Variants in SFMBT2 observed in about 807,000 individuals in gnomAD.
The protein encoded by SFMBT2 is scm-like with four MBT domains protein 2.
In SFMBT2, 38 loss-of-function variants were observed where a neutral mutation model predicts 110.1. That is an observed-to-expected ratio of 0.35 (90% CI 0.27 to 0.45). The LOEUF is 0.45. SFMBT2 is among the 20% of genes least tolerant of loss of function. The pLI, the probability that SFMBT2 is intolerant of heterozygous loss-of-function variation, is 1.00. For missense variants in SFMBT2, 1,011 were observed against 1,094.9 expected, an observed-to-expected ratio of 0.92 and a Z score of 1.08; for synonymous variants, 425 against 425.4, an observed-to-expected ratio of 1.00 and a Z score of 0.01.
chr10:7,296,621 T>C (rs1359090122), intron 4 of SFMBT2, among the ~76,000 whole-genome samples: 1 of 152,234 alleles, frequency 6.6e-6, no homozygotes, highest in Non-Finnish European at 1.5e-5. Context: ...TCTGACAAAA[T>C]GAGTTGGCCT....
At chr10:7,411,488 T>C (rs1211664009), upstream of SFMBT2, 1 of 152,230 alleles carries the variant, frequency 6.6e-6, no homozygotes, top group Non-Finnish European at 1.5e-5. Flanking sequence ...TTGCGCTTTA[T>C]CCGCCGGGGA....
intron 11 of SFMBT2, among the ~76,000 whole-genome samples, chr10:7,212,225 T>C (rs1839374702): frequency 6.6e-6 from 1 of 152,218 alleles, no homozygotes; most frequent in Admixed American, 6.5e-5. Flanking sequence ...GTTTCTGAAT[T>C]TTAGCTTCCA....
intron 7 of SFMBT2, among the ~76,000 whole-genome samples, chr10:7,275,317 C>T (rs1841736691): frequency 6.6e-6 from 1 of 152,166 alleles, no homozygotes; most frequent in African/African-American, 2.4e-5. Context: ...ATTTGATTCA[C>T]ATTCAAAGAT....
intron 1 of SFMBT2, among the ~76,000 whole-genome samples, chr10:7,396,699 A>G (rs1469011846): frequency 6.6e-6 from 1 of 151,954 alleles, no homozygotes; most frequent in African/African-American, 2.4e-5. Flanking sequence ...CATATACACC[A>G]TGGAATCCTA....
At chr10:7,369,549 G>A (rs759294163) in intron 3 of SFMBT2, among the ~76,000 whole-genome samples, 9 of 152,188 alleles carry the variant, frequency 5.9e-5, no homozygotes, top group Non-Finnish European at 8.8e-5. Flanking sequence ...CATTATTGAT[G>A]AGAGTGGTTT....
At chr10:7,402,846 A>C (rs780100667) in intron 1 of SFMBT2, among the ~76,000 whole-genome samples, 1 of 152,162 alleles carries the variant, frequency 6.6e-6, no homozygotes, top group Non-Finnish European at 1.5e-5. Context: ...TTCACTCTAA[A>C]ATGTCCTCAT....
chr10:7,383,159 G>T (rs2254890), intron 1 of SFMBT2, among the ~76,000 whole-genome samples: 1 of 152,236 alleles, frequency 6.6e-6, no homozygotes, highest in Non-Finnish European at 1.5e-5. Context: ...GACTCACATA[G>T]TGGTAAAATA....
intron 7 of SFMBT2, chr10:7,264,293 G>A (rs1487557340): frequency 9.3e-6 from 2 of 213,966 alleles, no homozygotes; most frequent in Non-Finnish European, 1.6e-5. Flanking sequence ...TGCCGTGACT[G>A]CTAGTCCTTT....
intron 16 of SFMBT2, chr10:7,176,483 C>A (rs140727135): frequency 1.0e-6 from 1 of 985,352 alleles, no homozygotes; most frequent in Non-Finnish European, 1.2e-6. Context: ...ATGGGCATGG[C>A]TCTCGAAATG....
In SFMBT2 at chr10:7,263,387, C is replaced by T. The variant is rs144628881; in HGVS notation, c.870+13505G>A. Among the ~76,000 whole-genome samples, 399 of 152,212 alleles carry T rather than the reference C, an allele frequency of 2.6e-3. 2 individuals carry two copies. The highest frequency in any genetic ancestry group is 8.4e-3 in the African/African-American group (348 of 41,524). ...CTCCCGAGTAGGTGGACTACAGGCACGTGCCACTAATGCCCAGGAAATTTT... is the reference window on the plus strand; with the variant it reads ...CTCCCGAGTAGGTGGACTACAGGCATGTGCCACTAATGCCCAGGAAATTTT... On this transcript the variant is annotated intron_variant, in intron 7 of 20. Coordinates refer to ENST00000397167, the MANE Select transcript of SFMBT2 (RefSeq NM_001387889.1).
chr10:7,186,883 G>A (rs981434407), intron 16 of SFMBT2, among the ~76,000 whole-genome samples: 9 of 152,190 alleles, frequency 5.9e-5, no homozygotes, highest in Admixed American at 3.3e-4. Context: ...CTATGATCTC[G>A]CACAGTTGAA....
rs1837484038 is a variant in SFMBT2, at chr10:7,159,048, G to C, written c.*4722C>G. On this transcript the variant is annotated 3_prime_UTR_variant, in exon 21 of 21. Transcript: ENST00000397167. Reference sequence around the variant, plus strand: ...TGCCTCAAATTTTTCATCCTAAGGTGATTTTTAGCCAACGATTGTCCTAGA... The same window carrying C: ...TGCCTCAAATTTTTCATCCTAAGGTCATTTTTAGCCAACGATTGTCCTAGA... The C allele has an allele frequency of 6.6e-6, 1 of 152,160 alleles. No individual in the cohort carries two copies. Among genetic ancestry groups the C allele is most frequent in the Non-Finnish European group, 1.5e-5 (1 of 68,036 alleles). 9.4% of individuals were successfully genotyped at this position (152,160 alleles called of 1,614,324 possible).
chr10:7,308,090 C>G (rs767984407), intron 4 of SFMBT2, among the ~76,000 whole-genome samples: 1 of 152,166 alleles, frequency 6.6e-6, no homozygotes, highest in African/African-American at 2.4e-5. Flanking sequence ...TGCAGCAGCT[C>G]GTGCCTATAG....
intron 9 of SFMBT2, among the ~76,000 whole-genome samples, chr10:7,233,568 T>C (rs749177642): frequency 3.9e-5 from 6 of 152,192 alleles, no homozygotes; most frequent in Non-Finnish European, 8.8e-5. Context: ...GATACAATCA[T>C]CTTCAAAGTC....
intron 1 of SFMBT2, among the ~76,000 whole-genome samples, chr10:7,388,947 A>C (rs1040742426): frequency 6.6e-6 from 1 of 152,182 alleles, no homozygotes; most frequent in African/African-American, 2.4e-5. Flanking sequence ...AAAACATGGA[A>C]GTGCAGGCAA....
intron 6 of SFMBT2, among the ~76,000 whole-genome samples, chr10:7,280,126 C>T (rs187049773): frequency 2.0e-3 from 300 of 152,252 alleles, no homozygotes; most frequent in Non-Finnish European, 3.7e-3. Flanking sequence ...AGTCAGAAGG[C>T]GGCTGTCTGC....
chr10:7,188,842 C>T (rs1838505727), intron 15 of SFMBT2, 109 bp from the exon 16 acceptor site: 3 of 844,118 alleles, frequency 3.6e-6, no homozygotes, highest in African/African-American at 1.7e-5. Flanking sequence ...CTCGCCACTA[C>T]ACCCACATGA....
At chr10:7,402,697 G>A (rs1040702324) in intron 1 of SFMBT2, among the ~76,000 whole-genome samples, 1 of 152,182 alleles carries the variant, frequency 6.6e-6, no homozygotes, top group Non-Finnish European at 1.5e-5. Flanking sequence ...TACCACGGAA[G>A]GGGTCTACAA....
intron 4 of SFMBT2, among the ~76,000 whole-genome samples, chr10:7,309,845 TCAGCCAGAAAAACCAG>T (rs1468114582): frequency 1.3e-5 from 2 of 151,988 alleles, no homozygotes; most frequent in Non-Finnish European, 2.9e-5. Context: ...CAAAGACAAT[TCAGCCAGAAAAACCAG>T]TAAAGACCAA....
Sources: allele counts gnomAD v4.1 joint callset (sites outside exome capture counted in the v4.1 genomes callset), GRCh38; gene constraint gnomAD v4.1.1; transcripts MANE v1.5; gene names NCBI Gene and HGNC (gene_info 2026-07-23, HGNC 2026-07-21).